Variants in VPS26A observed in about 807,000 individuals in gnomAD.
The protein encoded by VPS26A is VPS26 retromer complex component A, also known as vacuolar protein sorting-associated protein 26A.
In VPS26A, 22 loss-of-function variants were observed where a neutral mutation model predicts 42.4. The ratio of observed to expected loss-of-function variants is 0.52; its 90% confidence interval spans 0.37 to 0.74. The LOEUF is 0.74. Ranked by LOEUF, VPS26A falls within the 30% of genes least tolerant of loss-of-function variation. VPS26A has a pLI of 0.00. For missense variants in VPS26A, 276 were observed against 379.2 expected (o/e 0.73, Z 2.26); for synonymous variants, 110 against 123.5 (o/e 0.89, Z 0.73).
rs992680565 is a variant in VPS26A at position 69,126,681 on chromosome 10, A to G, written c.3+2401A>G. On this transcript the variant is annotated intron_variant, in intron 1 of 8. Transcript: ENST00000263559. ...GTCTTTACCAGCTTGACAGTTGTGTATTTTACTTCCTCTTTAACATATCAG... is the reference window on the plus strand; with the variant it reads ...GTCTTTACCAGCTTGACAGTTGTGTGTTTTACTTCCTCTTTAACATATCAG... Among the ~76,000 whole-genome samples, 7 of 152,100 alleles carry G rather than the reference A, an allele frequency of 4.6e-5. No individual in the cohort carries two copies. In the East Asian group the frequency reaches 1.4e-3, roughly 29 times the overall value.
At chr10:69,151,150 A>C (rs2132218243) in intron 2 of VPS26A, among the ~76,000 whole-genome samples, 1 of 151,720 alleles carries the variant, frequency 6.6e-6, no homozygotes, top group Middle Eastern at 3.4e-3. Context: ...TTGTAGTCCC[A>C]GCTACTCGGG....
At chr10:69,151,077 A>T (rs991066348) in intron 2 of VPS26A, among the ~76,000 whole-genome samples, 10 of 151,682 alleles carry the variant, frequency 6.6e-5, no homozygotes, top group South Asian at 2.1e-4. Context: ...CATTCTGGCT[A>T]ACATGGTGAA....
chr10:69,154,661 G>A (rs980241885), intron 2 of VPS26A, among the ~76,000 whole-genome samples: 3 of 152,188 alleles, frequency 2.0e-5, no homozygotes, highest in African/African-American at 7.2e-5. Context: ...CCAGGAGTTT[G>A]AGACCAGCTT....
intron 5 of VPS26A, among the ~76,000 whole-genome samples, chr10:69,159,895 C>T (rs1841514647): frequency 6.6e-6 from 1 of 151,956 alleles, no homozygotes; most frequent in South Asian, 2.1e-4. Flanking sequence ...GGTTTCCCTT[C>T]TATTTTTTTT....
intron 8 of VPS26A, among the ~76,000 whole-genome samples, chr10:69,169,820 G>A (rs550090316): frequency 1.3e-5 from 2 of 151,958 alleles, no homozygotes; most frequent in African/African-American, 4.8e-5. Context: ...TGTTGACCAG[G>A]CTGGTCTCGA....
intron 5 of VPS26A, among the ~76,000 whole-genome samples, chr10:69,160,127 T>TACACACACACAC (rs71035066): frequency 1.5e-4 from 23 of 148,458 alleles, no homozygotes; most frequent in South Asian, 4.3e-4. Flanking sequence ...ACATAATTTT[T>TACACACACACAC]ACACACACAC....
At chr10:69,153,046 GTTT>G (rs1225536571) in intron 2 of VPS26A, among the ~76,000 whole-genome samples, 1 of 137,120 alleles carries the variant, frequency 7.3e-6, no homozygotes. Flanking sequence ...ATGTTAAGTT[GTTT>G]TTTTTTTTTT....
chr10:69,128,204 A>C (rs1840702671), intron 1 of VPS26A, among the ~76,000 whole-genome samples: 1 of 151,150 alleles, frequency 6.6e-6, no homozygotes, highest in African/African-American at 2.4e-5. Context: ...TAGTTCTATC[A>C]AAATTTTATT....
At chr10:69,130,205 C>T (rs1270168323) in intron 1 of VPS26A, among the ~76,000 whole-genome samples, 1 of 152,118 alleles carries the variant, frequency 6.6e-6, no homozygotes, top group African/African-American at 2.4e-5. Flanking sequence ...ATTTTAATGC[C>T]TTCTGCTAAA....
At position 69,173,929 on chromosome 10, in the gene VPS26A, G is replaced by GGTT. The variant is rs1475178995; in HGVS notation, c.*2662_*2664dup. 1.7e-3 allele frequency among the ~76,000 whole-genome samples: 249 copies of GGTT among 149,436 alleles called. No individual in the cohort carries two copies. The highest frequency in any genetic ancestry group is 6.1e-3 in the African/African-American group (237 of 39,070). ...GAATTGCTTGAACCCGGGAGGCAGA[G>GGTT]GTTGCAGTGAGCCGAGATCACACCA... On this transcript the variant is annotated 3_prime_UTR_variant, in exon 9 of 9. Coordinates refer to ENST00000263559, the MANE Select transcript of VPS26A (RefSeq NM_004896.5).
intron 2 of VPS26A, among the ~76,000 whole-genome samples, chr10:69,152,969 C>CA (rs11284955): frequency 0.023 from 2,990 of 129,528 alleles, 112 homozygotes; most frequent in African/African-American, 0.081. Flanking sequence ...GGCTCTGTCT[C>CA]AAAAAAAAAA....
chr10:69,153,580 C>T (rs1434759598), intron 2 of VPS26A, among the ~76,000 whole-genome samples: 7 of 151,074 alleles, frequency 4.6e-5, no homozygotes, highest in African/African-American at 1.7e-4. Context: ...GAACTCCTGA[C>T]CTTAATTAAG....
At chr10:69,131,146 C>T (rs376691546) in intron 1 of VPS26A, among the ~76,000 whole-genome samples, 15 of 152,220 alleles carry the variant, frequency 9.9e-5, no homozygotes, top group East Asian at 7.7e-4. Flanking sequence ...CCACCATGCC[C>T]GACTAATTTT....
In VPS26A at chr10:69,133,683, T is replaced by C. The variant is rs796798636; in HGVS notation, c.153+636T>C. The C allele has an allele frequency of 7.3e-5, 80 of 1,092,808 alleles. 1 individual carries two copies. In the African/African-American group the frequency reaches 1.3e-3, roughly 18 times the overall value. 67.7% of individuals were successfully genotyped at this position (1,092,808 alleles called of 1,614,324 possible). On this transcript the variant is annotated intron_variant, in intron 2 of 8. Transcript: ENST00000263559. ...TTTTGGGTTTTTTGGGTTTTTTGTT[T>C]TGTTTTGTTTCGTTTTTTAAATAGG... is the stretch of plus-strand genomic sequence containing the variant.
intron 7 of VPS26A, among the ~76,000 whole-genome samples, chr10:69,167,463 C>T (rs185987566): frequency 6.2e-5 from 9 of 144,266 alleles, no homozygotes; most frequent in Non-Finnish European, 6.1e-5. Context: ...AAGCCAGGCG[C>T]GGTGGCTCAC....
At chr10:69,158,760 C>T (rs544236596) in intron 5 of VPS26A, among the ~76,000 whole-genome samples, 12 of 152,170 alleles carry the variant, frequency 7.9e-5, no homozygotes, top group Non-Finnish European at 1.3e-4. Context: ...GTACCCATTG[C>T]CCAGCTCCAA....
intron 8 of VPS26A, among the ~76,000 whole-genome samples, chr10:69,169,471 C>A (rs116453777): frequency 6.6e-6 from 1 of 151,688 alleles, no homozygotes; most frequent in Non-Finnish European, 1.5e-5. Flanking sequence ...TTTGTATTTT[C>A]TTTTTTGTAG....
chr10:69,160,383 C>T (rs2132230572), intron 5 of VPS26A, among the ~76,000 whole-genome samples: 1 of 152,072 alleles, frequency 6.6e-6, no homozygotes, highest in East Asian at 1.9e-4. Flanking sequence ...TGGTCTCAAA[C>T]TCCTGACCTC....
chr10:69,124,465 C>T (rs1466404552), intron 1 of VPS26A, among the ~76,000 whole-genome samples, 185 bp downstream of exon 1: 1 of 151,962 alleles, frequency 6.6e-6, no homozygotes, highest in African/African-American at 2.4e-5. Context: ...TTCCCGGTCT[C>T]GGCGAGGCCC....
Sources: gnomAD v4.1 joint callset for allele counts (sites outside exome capture counted in the v4.1 genomes callset) on GRCh38, gnomAD v4.1.1 for gene constraint, MANE v1.5 for transcripts, NCBI Gene and HGNC (gene_info 2026-07-23, HGNC 2026-07-21) for gene names.